The following LARGE1 variants were observed in gnomAD, a reference collection of about 807,000 sequenced individuals.
LARGE1 encodes the protein xylosyl- and glucuronyltransferase LARGE1.
Under a neutral mutation model 87.6 loss-of-function variants are expected in LARGE1, and 43 were observed. The ratio of observed to expected loss-of-function variants is 0.49; its 90% CI spans 0.38 to 0.63. The LOEUF (loss-of-function observed/expected upper bound fraction) is 0.63, where lower values mean the gene tolerates loss of function less well. LARGE1 is among the 30% of genes least tolerant of loss of function. LARGE1 has a pLI of 0.00. For missense variants in LARGE1, 802 were observed against 1,000.2 expected (o/e 0.80, Z 2.67); for synonymous variants, 434 against 394.6 (o/e 1.10, Z -1.18).
chr22:33,670,895 T>C (rs190576290), intron 2 of LARGE1, among the ~76,000 whole-genome samples: 74 of 152,276 alleles, frequency 4.9e-4, no homozygotes, highest in African/African-American at 1.3e-3. Context: ...TGTTAGGACA[T>C]AAATGCTTAA....
intron 11 of LARGE1, among the ~76,000 whole-genome samples, chr22:33,202,894 G>T (rs538743690): frequency 6.6e-6 from 1 of 152,200 alleles, no homozygotes; most frequent in Non-Finnish European, 1.5e-5. Context: ...GAAGGGAAAA[G>T]TTCCTGGAAA....
At chr22:33,529,517 G>A (rs542325491) in intron 6 of LARGE1, among the ~76,000 whole-genome samples, 4 of 152,316 alleles carry the variant, frequency 2.6e-5, no homozygotes, top group East Asian at 1.9e-4. Flanking sequence ...GCTATTAACC[G>A]GGTCAGAAAG....
chr22:33,529,861 T>C (rs923225583), intron 6 of LARGE1, among the ~76,000 whole-genome samples: 1 of 152,176 alleles, frequency 6.6e-6, no homozygotes. Context: ...CTGCTATTAA[T>C]ATCTACCCAA....
chr22:33,413,491 G>A (rs2066383261), intron 7 of LARGE1, among the ~76,000 whole-genome samples: 1 of 151,946 alleles, frequency 6.6e-6, no homozygotes, highest in Non-Finnish European at 1.5e-5. Context: ...TTTAGAAGGA[G>A]TCTTGCTCTG....
intron 2 of LARGE1, among the ~76,000 whole-genome samples, chr22:33,675,491 G>A (rs1298379561): frequency 1.3e-5 from 2 of 151,912 alleles, no homozygotes; most frequent in Non-Finnish European, 1.5e-5. Flanking sequence ...AGGTATAAAA[G>A]CCGTGGGGTA....
chr22:33,694,029 T>C (rs943006714), intron 2 of LARGE1, among the ~76,000 whole-genome samples: 1 of 152,080 alleles, frequency 6.6e-6, no homozygotes, highest in African/African-American at 2.4e-5. Flanking sequence ...TGAGGCCCAA[T>C]ACAGTCCTGA....
At chr22:33,089,094 A>G in the LARGE1 span, among the ~76,000 whole-genome samples, 13 of 152,274 alleles carry the variant, frequency 8.5e-5, no homozygotes, top group Middle Eastern at 3.4e-3. Context: ...ATACTAGGTC[A>G]TTGCAACTCC....
At chr22:33,816,681 T>TAGAC (rs1312216390) in intron 1 of LARGE1, among the ~76,000 whole-genome samples, 4 of 129,622 alleles carry the variant, frequency 3.1e-5, no homozygotes, top group Non-Finnish European at 4.8e-5. Context: ...GATGGATAGA[T>TAGAC]AGATAGATAG....
chr22:33,243,558 A>G (rs958705654), intron 11 of LARGE1, among the ~76,000 whole-genome samples: 5 of 152,176 alleles, frequency 3.3e-5, no homozygotes, highest in African/African-American at 1.2e-4. Context: ...AGAGTCATCC[A>G]TTTTATGTGT....
chr22:33,828,155 TG>T (rs2062853659), intron 1 of LARGE1, among the ~76,000 whole-genome samples: 1 of 152,102 alleles, frequency 6.6e-6, no homozygotes, highest in African/African-American at 2.4e-5. Flanking sequence ...GCACTGAAGA[TG>T]CTAAGTTTAA....
intron 2 of LARGE1, among the ~76,000 whole-genome samples, chr22:33,680,658 G>A (rs1446783386): frequency 6.6e-6 from 1 of 152,094 alleles, no homozygotes; most frequent in African/African-American, 2.4e-5. Flanking sequence ...GAGGGTGAAG[G>A]CCGCCCATGA....
intron 2 of LARGE1, among the ~76,000 whole-genome samples, chr22:33,749,566 C>G (rs965948018): frequency 1.3e-5 from 2 of 152,172 alleles, no homozygotes; most frequent in African/African-American, 4.8e-5. Context: ...AACATTTGCC[C>G]TATAAAAAGT....
rs940114362 is a variant in LARGE1, at chr22:33,862,695, C to T, written c.-83+57300G>A. 1.1e-4 allele frequency among the ~76,000 whole-genome samples: 17 copies of T among 152,182 alleles called. No homozygotes were observed. In the South Asian group the frequency reaches 2.3e-3, roughly 20 times the overall value. ...AAATCCCAGCTCTGTCACGTGTCCT[C>T]GGGGGCCACCATGACGTTCGTTTGT... On this transcript the variant is annotated intron_variant, in intron 1 of 14. Transcript: ENST00000397394.
chr22:33,093,822 CTTTTTTT>C, the LARGE1 span, among the ~76,000 whole-genome samples: 2 of 81,580 alleles, frequency 2.5e-5, no homozygotes, highest in Non-Finnish European at 4.5e-5. Context: ...TTCTTTCTTT[CTTTTTTT>C]TTTTTTTTTT....
chr22:33,435,023 TG>T (rs1215531816), intron 6 of LARGE1, among the ~76,000 whole-genome samples: 1 of 152,210 alleles, frequency 6.6e-6, no homozygotes, highest in African/African-American at 2.4e-5. Context: ...TTTTTTGAGA[TG>T]GAGTCTTGCT....
intron 5 of LARGE1, among the ~76,000 whole-genome samples, chr22:33,593,167 T>G (rs1010018019): frequency 6.8e-6 from 1 of 147,782 alleles, no homozygotes; most frequent in Non-Finnish European, 1.5e-5. Flanking sequence ...TTTTTTTAAG[T>G]CTATTTATTT....
chr22:33,161,558 C>T (rs1922024500), downstream of LARGE1, among the ~76,000 whole-genome samples: 4 of 152,134 alleles, frequency 2.6e-5, no homozygotes, highest in Admixed American at 2.6e-4. Context: ...ACATCTGCTC[C>T]AAATAGGAGA....
At chr22:33,639,689 T>A (rs950559092) in intron 3 of LARGE1, among the ~76,000 whole-genome samples, 2 of 152,234 alleles carry the variant, frequency 1.3e-5, no homozygotes, top group Admixed American at 6.5e-5. Flanking sequence ...GACTGTTTTT[T>A]CTTCCGTACA....
At chr22:33,730,379 T>C (rs1257026134) in intron 2 of LARGE1, among the ~76,000 whole-genome samples, 1 of 152,228 alleles carries the variant, frequency 6.6e-6, no homozygotes, top group Non-Finnish European at 1.5e-5. Context: ...AAGAGTCAAA[T>C]GTTCAGGAAG....
Sources: gnomAD v4.1 joint callset for allele counts (sites outside exome capture counted in the v4.1 genomes callset) on GRCh38, gnomAD v4.1.1 for gene constraint, MANE v1.5 for transcripts, NCBI Gene and HGNC (gene_info 2026-07-23, HGNC 2026-07-21) for gene names.